The following CSMD3 variants were observed in gnomAD, a reference collection of about 807,000 sequenced individuals.
CSMD3 encodes CUB and sushi domain-containing protein 3.
In CSMD3, 177 loss-of-function variants were observed where a neutral mutation model predicts 435.2. That is an observed-to-expected ratio of 0.41 (90% CI 0.36 to 0.46). CSMD3 has a LOEUF of 0.46. Among genes scored for constraint, CSMD3 ranks in the 20% least tolerant of loss-of-function variants. The probability of loss-of-function intolerance (pLI) is 0.34; values close to 1 mark genes in which losing one functional copy is unlikely to be tolerated. For missense variants in CSMD3, 4,265 were observed against 4,504.6 expected (o/e 0.95, Z 1.52); for synonymous variants, 1,656 against 1,520.5 (o/e 1.09, Z -2.07).
In CSMD3 at chr8:112,408,341, T is replaced by G. The variant is rs1245279605; in HGVS notation, c.5582A>C (p.Lys1861Thr). 6.2e-7 allele frequency: 1 copy of G among 1,608,606 alleles called. No homozygotes were observed. ...ACCTTGGTAAACAAAGTGAAATCCCTTAGCTGTTATTGGTCCAACTGAAGT... is the reference window on the plus strand; with the variant it reads ...ACCTTGGTAAACAAAGTGAAATCCCGTAGCTGTTATTGGTCCAACTGAAGT... ...RFTSVGPITAKGFHFVYQAVP... is the reference protein window; with the variant it reads ...RFTSVGPITATGFHFVYQAVP... Residue 1861 changes from lysine (K) to threonine (T), a missense_variant, in exon 34 of 71, where the codon AAG (lysine) becomes ACG (threonine). This residue lies in a region of CSMD3 where 3,255 missense variants were observed against 3,380.2 expected (regional missense o/e 0.96). Transcript: ENST00000297405.
chr8:113,161,058 T>TA lies in CSMD3; in HGVS notation c.709+12663dup, dbSNP rs1391998677. Among the ~76,000 whole-genome samples the TA allele has an allele frequency of 2.6e-5, 4 of 152,238 alleles. No homozygotes were observed. The South Asian group carries it at 6.2e-4, about 24-fold the overall frequency. ...AGCATGTTTCTAAATTCATACTAGT[T>TA]ACTAAGGTCAATATAATAGTCACTA... On this transcript the variant is annotated intron_variant, in intron 4 of 70. Coordinates refer to ENST00000297405, the MANE Select transcript of CSMD3 (RefSeq NM_198123.2).
intron 3 of CSMD3, among the ~76,000 whole-genome samples, chr8:113,214,030 A>G (rs1223117185): frequency 6.6e-6 from 1 of 152,058 alleles, no homozygotes; most frequent in African/African-American, 2.4e-5. Context: ...ATAAGTTACT[A>G]ACAAATGCTG....
chr8:112,906,557 T>A (rs1170231285), intron 10 of CSMD3, among the ~76,000 whole-genome samples: 1 of 151,514 alleles, frequency 6.6e-6, no homozygotes. Flanking sequence ...CAACTAGGGA[T>A]AAGCATCACT....
At chr8:113,054,133 T>A (rs547026042) in intron 5 of CSMD3, among the ~76,000 whole-genome samples, 1 of 152,202 alleles carries the variant, frequency 6.6e-6, no homozygotes, top group African/African-American at 2.4e-5. Flanking sequence ...CTCTCTTTTT[T>A]AATCTGGCTT....
intron 9 of CSMD3, among the ~76,000 whole-genome samples, chr8:112,925,999 T>C (rs1193822740): frequency 1.3e-5 from 2 of 152,216 alleles, no homozygotes; most frequent in Non-Finnish European, 2.9e-5. Context: ...GCATCTATAT[T>C]GGGCATTTGC....
intron 59 of CSMD3, among the ~76,000 whole-genome samples, chr8:112,272,486 A>G (rs1238853984): frequency 6.6e-6 from 1 of 152,152 alleles, no homozygotes; most frequent in African/African-American, 2.4e-5. Flanking sequence ...TTTATTAAAA[A>G]CATATTTACA....
chr8:112,611,194 A>G (rs558634705), intron 22 of CSMD3, among the ~76,000 whole-genome samples: 1 of 152,306 alleles, frequency 6.6e-6, no homozygotes, highest in East Asian at 1.9e-4. Context: ...CGCATAATGC[A>G]GGTAAACCTT....
intron 6 of CSMD3, among the ~76,000 whole-genome samples, chr8:113,017,906 A>C (rs566740574): frequency 1.3e-5 from 2 of 152,156 alleles, no homozygotes; most frequent in Non-Finnish European, 2.9e-5. Context: ...TTGAACTCTA[A>C]AGATTTAGTG....
Position 112,921,677 on chromosome 8 carries a change from C to A in CSMD3, c.1583G>T (p.Arg528Leu), listed in dbSNP as rs779272178. 1.2e-6 allele frequency: 2 copies of A among 1,612,090 alleles called. No individual in the cohort carries two copies. The highest frequency in any genetic ancestry group is 2.2e-5 in the South Asian group (2 of 91,032). The change falls in exon 10 of 71, where the codon CGG (arginine) becomes CTG (leucine). Residue 528 changes from arginine (R) to leucine (L), a missense_variant. Arg to Leu is a moderately radical substitution (Grantham distance 102). This residue lies in a region of CSMD3 where 731 missense variants were observed against 755.4 expected (regional missense o/e 0.97). Transcript: ENST00000297405. The part of the protein sequence containing the change: ...LQGAKSITCQ[R>L]IAEVFAAWSD... ...CCAAGCAGCAAAAACTTCAGCTATC[C>A]GTTGACAGGTGATGCTCTTTGCGCC...
intron 1 of CSMD3, among the ~76,000 whole-genome samples, chr8:113,322,204 G>A (rs2093953835): frequency 6.6e-6 from 1 of 151,920 alleles, no homozygotes; most frequent in African/African-American, 2.4e-5. Flanking sequence ...TCAGATTTGT[G>A]TAATTTTCTA....
intron 13 of CSMD3, among the ~76,000 whole-genome samples, chr8:112,716,384 T>C (rs2076729133): frequency 6.6e-6 from 1 of 152,122 alleles, no homozygotes; most frequent in Non-Finnish European, 1.5e-5. Flanking sequence ...AAGGACTTCT[T>C]CAAGGAGAAC....
chr8:112,530,745 TACCACAATGTA>T (rs1825445268), intron 27 of CSMD3, among the ~76,000 whole-genome samples: 1 of 152,158 alleles, frequency 6.6e-6, no homozygotes, highest in Non-Finnish European at 1.5e-5. Flanking sequence ...GTGTTGATCC[TACCACAATGTA>T]ACACAGCATT....
chr8:112,342,083 A>T (rs2130996765), intron 41 of CSMD3, among the ~76,000 whole-genome samples: 1 of 152,240 alleles, frequency 6.6e-6, no homozygotes, highest in African/African-American at 2.4e-5. Flanking sequence ...AAATAATTGC[A>T]AATTTGTAAT....
At chr8:112,824,377 G>A (rs1587401313) in intron 12 of CSMD3, among the ~76,000 whole-genome samples, 1 of 152,086 alleles carries the variant, frequency 6.6e-6, no homozygotes, top group East Asian at 1.9e-4. Flanking sequence ...GACATTAACT[G>A]TTGCAGTTTC....
rs542332228 is a variant in CSMD3 at position 112,301,891 on chromosome 8, G to A, written c.8342C>T (p.Ala2781Val). The A allele has an allele frequency of 4.3e-6, 7 of 1,613,022 alleles. No homozygotes were observed. In the Admixed American group the frequency reaches 1.2e-4, roughly 27 times the overall value. The change falls in exon 53 of 71, where the codon GCT (alanine) becomes GTT (valine). Residue 2781 changes from alanine (A) to valine (V), a missense_variant. This residue lies in a region of CSMD3 where 3,255 missense variants were observed against 3,380.2 expected (regional missense o/e 0.96). Transcript: ENST00000297405. The stretch of plus-strand genomic sequence containing the variant: ...GAATCCCAAGTCGCAGGTAAAGATA[G>A]CTGTTGAGCCATATGAAGTTTGAGT... Reference protein sequence around the residue: ...IGTQTSYGSTAIFTCDLGFML... With the variant: ...IGTQTSYGSTVIFTCDLGFML...
At chr8:112,494,941 T>A (rs1460945607) in intron 30 of CSMD3, among the ~76,000 whole-genome samples, 1 of 152,000 alleles carries the variant, frequency 6.6e-6, no homozygotes, top group East Asian at 1.9e-4. Flanking sequence ...CACACACACA[T>A]GGATACACTT....
chr8:113,349,949 ATT>A (rs1172887361), intron 1 of CSMD3, among the ~76,000 whole-genome samples: 2 of 152,006 alleles, frequency 1.3e-5, no homozygotes, highest in Non-Finnish European at 2.9e-5. Flanking sequence ...GTCTGTGTCC[ATT>A]CTGGGTCTAC....
At chr8:112,928,299 C>G (rs914465069) in intron 9 of CSMD3, among the ~76,000 whole-genome samples, 8 of 152,202 alleles carry the variant, frequency 5.3e-5, no homozygotes, top group African/African-American at 1.7e-4. Context: ...AATAGCTAAC[C>G]AAGCTAAAAG....
chr8:112,890,781 G>C (rs947197771), intron 10 of CSMD3, among the ~76,000 whole-genome samples: 3 of 150,352 alleles, frequency 2.0e-5, no homozygotes, highest in Non-Finnish European at 4.5e-5. Context: ...TCAATCTTCA[G>C]TCTTATTTAA....
Sources: allele counts gnomAD v4.1 joint callset (sites outside exome capture counted in the v4.1 genomes callset), GRCh38; gene constraint gnomAD v4.1.1; regional missense constraint gnomAD v4.1.1; transcripts MANE v1.5; gene names NCBI Gene and HGNC (gene_info 2026-07-23, HGNC 2026-07-21).